FUBP3: variants seen among roughly 807,000 people sequenced by gnomAD.
FUBP3 encodes far upstream element-binding protein 3.
FUBP3 carries 28 observed loss-of-function variants against 85.6 expected under a neutral mutation model. The ratio of observed to expected loss-of-function variants is 0.33; its 90% CI spans 0.24 to 0.45. The LOEUF is 0.45. FUBP3 is among the 20% of genes least tolerant of loss of function. The pLI is 1.00. For synonymous variants in FUBP3, 271 were observed against 271.4 expected (o/e 1.00, Z 0.01); for missense variants, 583 against 755.1 (o/e 0.77, Z 2.67).
rs57057097 is a variant in FUBP3 at position 130,637,531 on chromosome 9, T to TA, written c.*516dup. 0.035 allele frequency: 5,685 copies of TA among 163,656 alleles called. 129 individuals are homozygous for TA. The highest frequency in any genetic ancestry group is 0.05 in the Non-Finnish European group (3,741 of 74,492). The allele number at this position is 163,656 out of a possible 1,614,324, so 10.1% of individuals were successfully genotyped here. A position where few individuals can be genotyped will look rare whatever the true frequency, so the allele number is the denominator to read the frequency against. On this transcript the variant is annotated 3_prime_UTR_variant, in exon 19 of 19. Coordinates refer to ENST00000319725, the MANE Select transcript of FUBP3 (RefSeq NM_003934.2). The stretch of plus-strand genomic sequence containing the variant: ...TGGCTGTCTGGTTTTATTGCATTTT[T>TA]AAAAAAACTGAACTATTATGTATTG...
At chr9:130,636,906 G>A in intron 18 of FUBP3, 108 bp from the exon 19 acceptor site, 1 of 908,910 alleles carries the variant, frequency 1.1e-6, no homozygotes, top group Non-Finnish European at 1.9e-6. Context: ...CTTCAGCAGA[G>A]GTTTTGTCTG....
chr9:130,623,483 C>T, intron 10 of FUBP3, 128 bp from the exon 11 acceptor site: 1 of 655,568 alleles, frequency 1.5e-6, no homozygotes, highest in Non-Finnish European at 2.8e-6. Context: ...AGAGTCCCTG[C>T]AGCTGGCAGT....
chr9:130,586,749 C>CTTTT lies in FUBP3; in HGVS notation c.84+7001_84+7004dup, dbSNP rs34911755. ...TCAATGAGGTGGCTGAAGCAGCAAT[C>CTTTT]TTTTTTTTTTTTTTTTTTTCAGACG... On this transcript the variant is annotated intron_variant, in intron 1 of 18. Coordinates refer to ENST00000319725, the MANE Select transcript of FUBP3 (RefSeq NM_003934.2). Among the ~76,000 whole-genome samples, 242 of 113,284 alleles carry CTTTT rather than the reference C, an allele frequency of 2.1e-3. 3 individuals carry two copies. Among genetic ancestry groups the CTTTT allele is most frequent in the African/African-American group, 7.9e-3 (227 of 28,766 alleles). 74.3% of individuals were successfully genotyped at this position (113,284 alleles called of 152,430 possible). A position where few individuals can be genotyped will look rare whatever the true frequency, so the allele number is the denominator to read the frequency against.
Position 130,638,331 on chromosome 9 carries a change from A to C in FUBP3, c.*1309A>C, listed in dbSNP as rs1830481897. On this transcript the variant is annotated 3_prime_UTR_variant, in exon 19 of 19. Transcript: ENST00000319725. ...ACACTCTATATAATAAAATCTCCACAAGGCATCTTGTGGGCAAAGTCTTTC... is the reference window on the plus strand; with the variant it reads ...ACACTCTATATAATAAAATCTCCACCAGGCATCTTGTGGGCAAAGTCTTTC... The C allele has an allele frequency of 2.0e-5, 3 of 152,626 alleles. No homozygotes were observed. Among genetic ancestry groups the C allele is most frequent in the Non-Finnish European group, 4.4e-5 (3 of 68,038 alleles). The allele number at this position is 152,626 out of a possible 1,614,324, so 9.5% of individuals were successfully genotyped here. A position where few individuals can be genotyped will look rare whatever the true frequency, so the allele number is the denominator to read the frequency against.
intron 1 of FUBP3, among the ~76,000 whole-genome samples, chr9:130,585,227 A>G (rs1407591920): frequency 6.6e-6 from 1 of 152,212 alleles, no homozygotes; most frequent in Non-Finnish European, 1.5e-5. Flanking sequence ...CAGCCTGCAC[A>G]GCGATAATCA....
chr9:130,590,262 C>T (rs1478078010), intron 1 of FUBP3, among the ~76,000 whole-genome samples: 1 of 152,094 alleles, frequency 6.6e-6, no homozygotes, highest in African/African-American at 2.4e-5. Flanking sequence ...TTTGCCTCTG[C>T]ATTTTACAGG....
chr9:130,604,751 A>G (rs1831333794), intron 2 of FUBP3, among the ~76,000 whole-genome samples: 1 of 152,190 alleles, frequency 6.6e-6, no homozygotes, highest in Admixed American at 6.5e-5. Flanking sequence ...CAAAAAAATT[A>G]GCTGGGCATG....
intron 1 of FUBP3, among the ~76,000 whole-genome samples, chr9:130,590,479 AC>A (rs1305020893): frequency 6.6e-6 from 1 of 152,184 alleles, no homozygotes; most frequent in Non-Finnish European, 1.5e-5. Context: ...TAGTGAGATA[AC>A]CCATTTGCCT....
At chr9:130,626,048 C>A (rs1829958236) in intron 11 of FUBP3, among the ~76,000 whole-genome samples, 1 of 152,096 alleles carries the variant, frequency 6.6e-6, no homozygotes, top group East Asian at 1.9e-4. Flanking sequence ...TAGATCGGGG[C>A]CCAGTGAGGA....
intron 5 of FUBP3, among the ~76,000 whole-genome samples, chr9:130,614,074 A>G (rs1434022832): frequency 2.0e-5 from 3 of 152,250 alleles, no homozygotes; most frequent in Admixed American, 6.5e-5. Flanking sequence ...ACGTCCTTCT[A>G]GCTTCCCCTG....
At chr9:130,622,858 T>C (rs1189574800) in intron 10 of FUBP3, 48 bp downstream of exon 10, 2 of 800,328 alleles carry the variant, frequency 2.5e-6, no homozygotes, top group Non-Finnish European at 2.0e-6. Context: ...AAAAAAAAAA[T>C]CCTTAGTGTT....
chr9:130,617,600 C>T (rs574367980), intron 7 of FUBP3, among the ~76,000 whole-genome samples, 197 bp from the exon 8 acceptor site: 162 of 152,352 alleles, frequency 1.1e-3, no homozygotes, highest in African/African-American at 3.6e-3. Flanking sequence ...TTTTACATCT[C>T]GCATTTGGAC....
intron 2 of FUBP3, among the ~76,000 whole-genome samples, chr9:130,599,359 A>ATGTGTGTGTG: frequency 6.7e-6 from 1 of 148,930 alleles, no homozygotes; most frequent in African/African-American, 2.5e-5. Context: ...ATATAAGTAT[A>ATGTGTGTGTG]TGTGTGTGTG....
chr9:130,593,034 A>G, intron 1 of FUBP3, among the ~76,000 whole-genome samples: 1 of 151,684 alleles, frequency 6.6e-6, no homozygotes, highest in East Asian at 1.9e-4. Context: ...CCAGGCTCAT[A>G]CCTACCAAGC....
chr9:130,606,202 C>A (rs749495958), intron 2 of FUBP3, among the ~76,000 whole-genome samples: 2 of 152,058 alleles, frequency 1.3e-5, no homozygotes, highest in Non-Finnish European at 2.9e-5. Context: ...TCTAAAAACG[C>A]CCTGAATCCT....
intron 2 of FUBP3, among the ~76,000 whole-genome samples, chr9:130,606,448 C>T (rs1246015559): frequency 6.6e-6 from 1 of 152,180 alleles, no homozygotes; most frequent in Non-Finnish European, 1.5e-5. Context: ...GGGTGCCAGC[C>T]CGTGCTGGCT....
At chr9:130,602,905 C>T (rs1264450651) in intron 2 of FUBP3, among the ~76,000 whole-genome samples, 1 of 152,074 alleles carries the variant, frequency 6.6e-6, no homozygotes, top group South Asian at 2.1e-4. Context: ...GAAGGTTATG[C>T]CCTTCCTGCC....
rs1831170826 is a variant in FUBP3 at position 130,601,819 on chromosome 9, T to TTTTTTTA, written c.190+6231_190+6232insTTTTTTA. On this transcript the variant is annotated intron_variant, in intron 2 of 18. Coordinates refer to ENST00000319725, the MANE Select transcript of FUBP3 (RefSeq NM_003934.2). ...ATTCCTAATTTTTTTTTTTTTTTTT[T>TTTTTTTA]GAGATGGAGTCTTGCTCTGTCACCC... is the stretch of plus-strand genomic sequence containing the variant. 3.4e-5 allele frequency among the ~76,000 whole-genome samples: 5 copies of TTTTTTTA among 148,764 alleles called. 1 individual carries two copies. The highest frequency in any genetic ancestry group is 1.3e-4 in the Admixed American group (2 of 14,960).
chr9:130,634,717 G>A lies in FUBP3; in HGVS notation c.1561G>A (p.Glu521Lys). ...SSQPNYSKAW[E>K]DYYKKQSHAA... ...CCAGCCCAACTACAGCAAGGCCTGG[G>A]AAGACTATTACAAAAAACAGAGTGA... The change falls in exon 17 of 19, where the codon GAA becomes AAA. Residue 521 changes from glutamate (E) to lysine (K), a missense_variant. Transcript: ENST00000319725. The A allele has an allele frequency of 6.2e-7, 1 of 1,613,938 alleles. No homozygotes were observed. The highest frequency in any genetic ancestry group is 8.5e-7 in the Non-Finnish European group (1 of 1,179,914).
Sources: allele counts gnomAD v4.1 joint callset (sites outside exome capture counted in the v4.1 genomes callset), GRCh38; gene constraint gnomAD v4.1.1; transcripts MANE v1.5; gene names NCBI Gene and HGNC (gene_info 2026-07-23, HGNC 2026-07-21).